SCAMP4: variants seen among roughly 807,000 people sequenced by gnomAD.
SCAMP4 encodes the protein secretory carrier-associated membrane protein 4.
In SCAMP4, 19 loss-of-function variants were observed where a neutral mutation model predicts 32.1. That is an observed-to-expected ratio of 0.59 (90% CI 0.41 to 0.87). SCAMP4 has a LOEUF of 0.87. Ranked by LOEUF, SCAMP4 falls within the 40% of genes least tolerant of loss-of-function variation. The pLI is 0.00. For synonymous variants in SCAMP4, 152 were observed against 132.7 expected, an observed-to-expected ratio of 1.15 and a Z score of -1.00; for missense variants, 302 against 309.0, an observed-to-expected ratio of 0.98 and a Z score of 0.17.
Position 1,918,235 on chromosome 19 carries a change from C to T in SCAMP4, c.245C>T (p.Thr82Met), listed in dbSNP as rs373420560. ...GLAFVWLLLF[T>M]PCGYVCWFRP... ...GCCTTCGTGTGGCTGCTCCTGTTCACGCCTTGCGGCTACGTGTGCTGGTTC... is the reference window on the plus strand; with the variant it reads ...GCCTTCGTGTGGCTGCTCCTGTTCATGCCTTGCGGCTACGTGTGCTGGTTC... The change falls in exon 4 of 7, where the codon ACG becomes ATG. Residue 82 changes from threonine (T) to methionine (M), a missense_variant. Physicochemically the swap from Thr to Met is moderately conservative, Grantham distance 81. Transcript: ENST00000316097. The T allele has an allele frequency of 1.1e-4, 181 of 1,610,300 alleles. No individual in the cohort carries two copies. In the African/African-American group the frequency reaches 1.5e-3, roughly 13 times the overall value.
At chr19:1,916,963 G>A (rs574674063) in intron 2 of SCAMP4, among the ~76,000 whole-genome samples, 4 of 152,342 alleles carry the variant, frequency 2.6e-5, no homozygotes, top group South Asian at 4.1e-4. Context: ...GGAGGGCTAC[G>A]AAGAGTAGCA....
At position 1,910,395 on chromosome 19, in the gene SCAMP4, G is replaced by A. The variant is rs571403674; in HGVS notation, c.-41-4584G>A. ...CTGCTTCCAGGCTCTGGCTTCTGGA[G>A]ATGCAGAGATCACATCAGTGGTTGC... On this transcript the variant is annotated intron_variant, in intron 1 of 6. Transcript: ENST00000316097. 8.6e-4 allele frequency among the ~76,000 whole-genome samples: 131 copies of A among 152,326 alleles called. 1 individual carries two copies. Among genetic ancestry groups the A allele is most frequent in the African/African-American group, 2.4e-3 (99 of 41,576 alleles).
intron 6 of SCAMP4, 102 bp downstream of exon 6, chr19:1,923,289 C>A: frequency 2.0e-6 from 2 of 995,208 alleles, no homozygotes; most frequent in Non-Finnish European, 2.9e-6. Flanking sequence ...GGGCCCTCTC[C>A]CCACGGTGTC....
At chr19:1,911,542 A>C (rs2013447703) in intron 1 of SCAMP4, among the ~76,000 whole-genome samples, 1 of 152,210 alleles carries the variant, frequency 6.6e-6, no homozygotes, top group Non-Finnish European at 1.5e-5. Context: ...TCCCACCACC[A>C]GGTTGAAGCG....
In SCAMP4 at chr19:1,919,003, C is replaced by G. The variant is rs754065429; in HGVS notation, c.395+13C>G. On this transcript the variant is annotated intron_variant, in intron 5 of 6. Transcript: ENST00000316097. ...GCTGGGGCGCGTGGTAAGCCTCTCT[C>G]TGATGGGCGTGGTGGCTGTGATGTG... The G allele has an allele frequency of 8.2e-6, 13 of 1,594,574 alleles. No individual in the cohort carries two copies. The highest frequency in any genetic ancestry group is 1.1e-5 in the Non-Finnish European group (13 of 1,170,598).
chr19:1,918,067 T>C, intron 3 of SCAMP4, 60 bp from the exon 4 acceptor site: 1 of 1,560,934 alleles, frequency 6.4e-7, no homozygotes. Context: ...GCTGGGCCCA[T>C]GCTTTCCCAC....
chr19:1,924,484 AAGC>A lies in SCAMP4; in HGVS notation c.*202_*204del, dbSNP rs1268799669. ...CTCATCCGAGAGCGGAGTTCCTCAC[AAGC>A]ACTCCCCAGCAGCCCTTGGCCTCTG... On this transcript the variant is annotated 3_prime_UTR_variant, in exon 7 of 7. Transcript: ENST00000316097. The A allele has an allele frequency of 3.4e-6, 2 of 591,080 alleles. No homozygotes were observed. The highest frequency in any genetic ancestry group is 3.7e-5 in the African/African-American group (2 of 53,660). The allele number at this position is 591,080 out of a possible 1,614,324, so 36.6% of individuals were successfully genotyped here. A position where few individuals can be genotyped will look rare whatever the true frequency, so the allele number is the denominator to read the frequency against.
intron 5 of SCAMP4, chr19:1,921,138 G>A: frequency 1.0e-6 from 1 of 985,468 alleles, no homozygotes; most frequent in Non-Finnish European, 1.2e-6. Context: ...CCCACGCTCA[G>A]TGCGCTGCTG....
At position 1,925,390 on chromosome 19, in the gene SCAMP4, G is replaced by A. The variant is rs6510629; in HGVS notation, c.*1106G>A. On this transcript the variant is annotated 3_prime_UTR_variant, in exon 7 of 7. Transcript: ENST00000316097. ...TGGGATAATAGGTGTCAGCCACCGC[G>A]CCCAGCCTGGAGTGGCCTTTTATGA... 68,423 of 152,260 alleles carry A rather than the reference G, an allele frequency of 0.45. 18,919 individuals carry two copies. Among genetic ancestry groups the A allele is most frequent in the African/African-American group, 0.77 (31,985 of 41,344 alleles). The allele number at this position is 152,260 out of a possible 1,614,324, so 9.4% of individuals were successfully genotyped here. A position where few individuals can be genotyped will look rare whatever the true frequency, so the allele number is the denominator to read the frequency against.
chr19:1,923,157 G>A lies in SCAMP4; in HGVS notation c.483G>A (p.Ser161=), dbSNP rs547919528. 3.5e-5 allele frequency: 55 copies of A among 1,551,116 alleles called. 1 individual carries two copies. Among genetic ancestry groups the A allele is most frequent in the South Asian group, 2.4e-4 (20 of 83,702 alleles). ...MLLPAIMFSV[S]AAMMAIAIMK... ...TTCCAGCCATCATGTTCTCCGTGTC[G>A]GCTGCCATGATGGCCATCGCGATCA... The change falls in exon 6 of 7, where the codon TCG becomes TCA. Residue 161 remains serine, a synonymous_variant. Transcript: ENST00000316097.
In SCAMP4 at chr19:1,924,647, G is replaced by A. The variant is rs1007661894; in HGVS notation, c.*363G>A. 59 of 291,566 alleles carry A rather than the reference G, an allele frequency of 2.0e-4. No individual in the cohort carries two copies. The highest frequency in any genetic ancestry group is 2.4e-3 in the Middle Eastern group (2 of 844). 18.1% of individuals were successfully genotyped at this position (291,566 alleles called of 1,614,324 possible). A position where few individuals can be genotyped will look rare whatever the true frequency, so the allele number is the denominator to read the frequency against. ...GTGGCAGCAGGTCGGCCGCCCTCCC[G>A]TCCTCCCAGAGCTGCTGGCGCTGAG... is the stretch of plus-strand genomic sequence containing the variant. On this transcript the variant is annotated 3_prime_UTR_variant, in exon 7 of 7. Transcript: ENST00000316097.
rs1049081509 is a variant in SCAMP4 at position 1,913,356 on chromosome 19, C to T, written c.-41-1623C>T. On this transcript the variant is annotated intron_variant, in intron 1 of 6. Coordinates refer to ENST00000316097, the MANE Select transcript of SCAMP4 (RefSeq NM_079834.4). ...TTGGGGCCACCCCGTGCCAGCGGTGCCCTTCTGCGGCCGCCCTTGCTGCGT... is the reference window on the plus strand; with the variant it reads ...TTGGGGCCACCCCGTGCCAGCGGTGTCCTTCTGCGGCCGCCCTTGCTGCGT... The T allele has an allele frequency of 3.5e-5, 26 of 749,256 alleles. No homozygotes were observed. In the South Asian group the frequency reaches 5.2e-4, roughly 15 times the overall value. 46.4% of individuals were successfully genotyped at this position (749,256 alleles called of 1,614,324 possible).
At position 1,916,953 on chromosome 19, in the gene SCAMP4, G is replaced by A. The variant is rs1004499151; in HGVS notation, c.8-741G>A. On this transcript the variant is annotated intron_variant, in intron 2 of 6. Transcript: ENST00000316097. Reference sequence around the variant, plus strand: ...CAGCCGCACCCACACTAAACATGGAGGAGGGCTACGAAGAGTAGCAGGGCC... The same window carrying A: ...CAGCCGCACCCACACTAAACATGGAAGAGGGCTACGAAGAGTAGCAGGGCC... Among the ~76,000 whole-genome samples, 5 of 152,378 alleles carry A rather than the reference G, an allele frequency of 3.3e-5. 1 individual carries two copies. In the East Asian group the frequency reaches 9.6e-4, roughly 29 times the overall value.
At chr19:1,912,649 G>A in intron 1 of SCAMP4, 5 of 1,423,610 alleles carry the variant, frequency 3.5e-6, no homozygotes, top group Non-Finnish European at 4.6e-6. Flanking sequence ...TGGGCGGCCC[G>A]GCGGGCAGCA....
chr19:1,905,889 G>A (rs1173337790), intron 1 of SCAMP4: 2 of 152,254 alleles, frequency 1.3e-5, no homozygotes, highest in African/African-American at 4.8e-5. Context: ...CCTAGGCCTT[G>A]GTACATCCCC....
chr19:1,923,827 G>A (rs12978628), intron 6 of SCAMP4, among the ~76,000 whole-genome samples: 23 of 125,424 alleles, frequency 1.8e-4, no homozygotes, highest in Non-Finnish European at 9.9e-5. Flanking sequence ...GGTTTTCACC[G>A]TGTTAGCCAG....
At chr19:1,916,846 G>A (rs921457600) in intron 2 of SCAMP4, among the ~76,000 whole-genome samples, 6 of 152,190 alleles carry the variant, frequency 3.9e-5, no homozygotes, top group Non-Finnish European at 8.8e-5. Flanking sequence ...CAGCCTCCCC[G>A]CAGTGTGCGG....
intron 1 of SCAMP4, chr19:1,912,753 C>G (rs1406445412): frequency 6.4e-7 from 1 of 1,551,292 alleles, no homozygotes; most frequent in Non-Finnish European, 8.6e-7. Flanking sequence ...CGCGGACAAC[C>G]CCCTCCTGCA....
intron 1 of SCAMP4, chr19:1,912,505 G>A: frequency 6.7e-7 from 1 of 1,495,932 alleles, no homozygotes; most frequent in Non-Finnish European, 8.8e-7. Context: ...CTGACCAGGG[G>A]CCAGTTCGAG....
Sources: gnomAD v4.1 joint callset for allele counts (sites outside exome capture counted in the v4.1 genomes callset) on GRCh38, gnomAD v4.1.1 for gene constraint, MANE v1.5 for transcripts, NCBI Gene and HGNC (gene_info 2026-07-23, HGNC 2026-07-21) for gene names.